FANCL: variants seen among roughly 807,000 people sequenced by gnomAD.
The protein encoded by FANCL is FA complementation group L, also known as E3 ubiquitin-protein ligase FANCL.
In FANCL, 69 loss-of-function variants were observed where a neutral mutation model predicts 59.4. That is an observed-to-expected ratio of 1.16 (90% CI 0.96 to 1.42). FANCL has a LOEUF of 1.42. FANCL is among the 40% of genes most tolerant of loss of function. FANCL has a pLI of 0.00. For missense variants in FANCL, 519 were observed against 447.2 expected, an observed-to-expected ratio of 1.16 and a Z score of -1.45; for synonymous variants, 180 against 147.1, an observed-to-expected ratio of 1.22 and a Z score of -1.62.
chr2:58,199,752 C>T (rs1689804097), intron 6 of FANCL, among the ~76,000 whole-genome samples: 1 of 151,980 alleles, frequency 6.6e-6, no homozygotes. Context: ...ATTAAAAATA[C>T]CCATTTCTTT....
intron 1 of FANCL, among the ~76,000 whole-genome samples, chr2:58,234,235 A>AAGTGAG (rs1259707086): frequency 6.6e-6 from 1 of 152,102 alleles, no homozygotes; most frequent in Non-Finnish European, 1.5e-5. Context: ...TAAATGAAAT[A>AAGTGAG]AGTGAGCATT....
chr2:58,198,520 C>T, intron 7 of FANCL, 74 bp downstream of exon 7: 1 of 1,254,376 alleles, frequency 8.0e-7, no homozygotes, highest in East Asian at 2.3e-5. Context: ...ATAATCCCCC[C>T]ATGGATACTC....
intron 7 of FANCL, among the ~76,000 whole-genome samples, chr2:58,191,128 A>T (rs531814852): frequency 2.0e-5 from 3 of 147,676 alleles, no homozygotes; most frequent in African/African-American, 2.5e-5. Flanking sequence ...CCTGGATTAT[A>T]AAAAAAAAAA....
At chr2:58,177,187 T>A (rs1054507903) in intron 7 of FANCL, among the ~76,000 whole-genome samples, 3 of 152,206 alleles carry the variant, frequency 2.0e-5, no homozygotes, top group Non-Finnish European at 4.4e-5. Flanking sequence ...TTGGTGGGAC[T>A]GTAAACTAGT....
At chr2:58,217,205 T>A (rs111310548) in intron 5 of FANCL, among the ~76,000 whole-genome samples, 2 of 8,924 alleles carry the variant, frequency 2.2e-4, no homozygotes, top group South Asian at 3.5e-3. Flanking sequence ...TATATATATA[T>A]ATATATATAT....
At chr2:58,187,143 T>C (rs545169775) in intron 7 of FANCL, among the ~76,000 whole-genome samples, 5 of 152,144 alleles carry the variant, frequency 3.3e-5, no homozygotes, top group South Asian at 4.2e-4. Flanking sequence ...TGATTCACAA[T>C]AGCAAAGACT....
chr2:58,229,668 A>G, intron 3 of FANCL, 146 bp downstream of exon 3: 1 of 665,278 alleles, frequency 1.5e-6, no homozygotes, highest in South Asian at 1.9e-5. Flanking sequence ...ACTGAGATTT[A>G]AAAACACACA....
In FANCL at chr2:58,214,449, T is replaced by C. The variant is rs556796680; in HGVS notation, c.374+7493A>G. ...TTCTTATCGTGGTCATAATTCAGTATTACTATGATCAACTACCTAAATTCT... is the reference window on the plus strand; with the variant it reads ...TTCTTATCGTGGTCATAATTCAGTACTACTATGATCAACTACCTAAATTCT... On this transcript the variant is annotated intron_variant, in intron 5 of 13. Transcript: ENST00000233741. Among the ~76,000 whole-genome samples the C allele has an allele frequency of 1.2e-4, 19 of 152,304 alleles. No homozygotes were observed. The South Asian group carries it at 2.7e-3, about 22-fold the overall frequency.
intron 5 of FANCL, among the ~76,000 whole-genome samples, chr2:58,214,711 C>G (rs750244924): frequency 7.9e-5 from 12 of 151,828 alleles, no homozygotes; most frequent in Non-Finnish European, 1.8e-4. Flanking sequence ...GGGGTTTCAC[C>G]ATGTTGCCCA....
chr2:58,177,821 A>G (rs112109001), intron 7 of FANCL, among the ~76,000 whole-genome samples: 10,080 of 151,796 alleles, frequency 0.066, 401 homozygotes, highest in Middle Eastern at 0.099. Flanking sequence ...AAAAACAAAA[A>G]AAACCCAAAT....
chr2:58,193,558 T>C (rs1357175556), intron 7 of FANCL, among the ~76,000 whole-genome samples: 1 of 152,132 alleles, frequency 6.6e-6, no homozygotes, highest in Non-Finnish European at 1.5e-5. Context: ...TTTGTTTTGA[T>C]CCCTTTGATG....
intron 7 of FANCL, among the ~76,000 whole-genome samples, chr2:58,182,797 A>G (rs1015525147): frequency 6.6e-6 from 1 of 151,716 alleles, no homozygotes; most frequent in Non-Finnish European, 1.5e-5. Context: ...TGAGTGTTAC[A>G]GTCAATACTA....
At chr2:58,213,953 C>CT (rs1284985079) in intron 5 of FANCL, among the ~76,000 whole-genome samples, 1 of 152,136 alleles carries the variant, frequency 6.6e-6, no homozygotes, top group Non-Finnish European at 1.5e-5. Flanking sequence ...CGGAGCTGCC[C>CT]TATGGGACAA....
chr2:58,203,846 T>C (rs188902839), intron 6 of FANCL, among the ~76,000 whole-genome samples: 3 of 152,168 alleles, frequency 2.0e-5, no homozygotes, highest in Admixed American at 6.6e-5. Context: ...ATGTAGGATG[T>C]TACAAAATTA....
At chr2:58,230,359 G>C (rs892074404) in intron 2 of FANCL, among the ~76,000 whole-genome samples, 6 of 151,888 alleles carry the variant, frequency 4.0e-5, no homozygotes, top group Non-Finnish European at 7.4e-5. Flanking sequence ...AGGCTGGCTG[G>C]AGTGCAGTAG....
intron 5 of FANCL, among the ~76,000 whole-genome samples, chr2:58,218,815 C>A (rs1359863493): frequency 1.3e-5 from 2 of 151,672 alleles, no homozygotes; most frequent in African/African-American, 4.9e-5. Flanking sequence ...AAGTGGGCTA[C>A]AAAACTACAT....
intron 5 of FANCL, among the ~76,000 whole-genome samples, chr2:58,211,448 C>A (rs572684769): frequency 6.6e-6 from 1 of 152,274 alleles, no homozygotes; most frequent in South Asian, 2.1e-4. Flanking sequence ...TGAGTGGCTG[C>A]CGTGAAGACC....
chr2:58,167,072 C>T (rs981009116), intron 7 of FANCL, among the ~76,000 whole-genome samples: 11 of 152,148 alleles, frequency 7.2e-5, no homozygotes, highest in African/African-American at 1.4e-4. Flanking sequence ...ATTAGCTGGG[C>T]GTAGTGGCAC....
chr2:58,163,540 C>T (rs755464452), intron 8 of FANCL, 23 bp from the exon 9 acceptor site: 39 of 1,454,850 alleles, frequency 2.7e-5, no homozygotes, highest in Non-Finnish European at 3.8e-5. Context: ...AAGATTAAAT[C>T]TTTTAGAAGT....
Sources: allele counts gnomAD v4.1 joint callset (sites outside exome capture counted in the v4.1 genomes callset), GRCh38; gene constraint gnomAD v4.1.1; transcripts MANE v1.5; gene names NCBI Gene and HGNC (gene_info 2026-07-23, HGNC 2026-07-21).